Variants in RASGRP3 observed in about 807,000 individuals in gnomAD.
RASGRP3 encodes RAS guanyl releasing protein 3.
RASGRP3 carries 54 observed loss-of-function variants against 82.7 expected under a neutral mutation model. The ratio of observed to expected loss-of-function variants is 0.65; its 90% CI spans 0.52 to 0.82. The LOEUF is 0.82. Among genes scored for constraint, RASGRP3 ranks in the 40% least tolerant of loss-of-function variants. RASGRP3 has a pLI of 0.00. For missense variants in RASGRP3, 861 were observed against 828.9 expected (o/e 1.04, Z -0.48); for synonymous variants, 309 against 300.5 (o/e 1.03, Z -0.29).
chr2:33,440,152 G>C (rs1428968450), intron 1 of RASGRP3, among the ~76,000 whole-genome samples: 2 of 152,038 alleles, frequency 1.3e-5, no homozygotes, highest in African/African-American at 4.8e-5. Context: ...GGGAATGATG[G>C]AATAGTCAGA....
chr2:33,542,562 A>T (rs776272826), intron 12 of RASGRP3, among the ~76,000 whole-genome samples: 2 of 147,216 alleles, frequency 1.4e-5, no homozygotes, highest in African/African-American at 4.9e-5. Context: ...TGGTATTTGA[A>T]TTTGTAAATT....
intron 2 of RASGRP3, among the ~76,000 whole-genome samples, chr2:33,450,891 G>A (rs1161041086): frequency 8.7e-6 from 1 of 114,826 alleles, no homozygotes; most frequent in African/African-American, 3.4e-5. Context: ...AGGCTGGAGT[G>A]TAGTGGCATG....
At chr2:33,495,541 G>A (rs1669230525) in intron 1 of RASGRP3, among the ~76,000 whole-genome samples, 1 of 151,766 alleles carries the variant, frequency 6.6e-6, no homozygotes, top group Non-Finnish European at 1.5e-5. Flanking sequence ...GGGACCCCTG[G>A]TTTACAGGAC....
chr2:33,496,801 G>A (rs942976561), intron 1 of RASGRP3, among the ~76,000 whole-genome samples: 1 of 152,186 alleles, frequency 6.6e-6, no homozygotes, highest in Admixed American at 6.5e-5. Flanking sequence ...AGGTTGCAGT[G>A]AGCCAAGATT....
chr2:33,543,683 A>G, intron 13 of RASGRP3, 56 bp downstream of exon 13: 3 of 1,229,068 alleles, frequency 2.4e-6, no homozygotes, highest in Admixed American at 2.2e-5. Flanking sequence ...GAAAATTATT[A>G]TCAGAGGAGA....
At chr2:33,525,268 C>T (rs1672428478) in intron 9 of RASGRP3, among the ~76,000 whole-genome samples, 1 of 151,836 alleles carries the variant, frequency 6.6e-6, no homozygotes, top group Non-Finnish European at 1.5e-5. Context: ...CTGTGTTGGG[C>T]ACATCAGAAG....
intron 14 of RASGRP3, among the ~76,000 whole-genome samples, chr2:33,552,257 C>T (rs1675444354): frequency 6.6e-6 from 1 of 152,182 alleles, no homozygotes; most frequent in Non-Finnish European, 1.5e-5. Flanking sequence ...AAGTTTTGCC[C>T]TTGCTAACTC....
chr2:33,512,581 G>T (rs1175366455), intron 2 of RASGRP3, among the ~76,000 whole-genome samples: 3 of 152,154 alleles, frequency 2.0e-5, no homozygotes, highest in African/African-American at 7.2e-5. Flanking sequence ...TAGAAAACTG[G>T]CAGAAATTTT....
At chr2:33,526,711 A>T in intron 9 of RASGRP3, among the ~76,000 whole-genome samples, 1 of 152,212 alleles carries the variant, frequency 6.6e-6, no homozygotes, top group East Asian at 1.9e-4. Flanking sequence ...CTCACACCGC[A>T]TTGCAACTTT....
intron 2 of RASGRP3, among the ~76,000 whole-genome samples, chr2:33,471,146 A>T (rs928530095): frequency 4.6e-5 from 7 of 152,178 alleles, no homozygotes; most frequent in African/African-American, 1.7e-4. Context: ...ATTAATTAAA[A>T]AATTGATATT....
At position 33,527,232 on chromosome 2, in the gene RASGRP3, C is replaced by A. The variant is rs34636269; in HGVS notation, c.903C>A (p.Ile301=). 7,479 of 1,614,048 alleles carry A rather than the reference C, an allele frequency of 4.6e-3. 21 individuals are homozygous for A. Among genetic ancestry groups the A allele is most frequent in the Non-Finnish European group, 5.9e-3 (6,996 of 1,179,880 alleles). ...FADCDGFKIP[I]LGVHLKDLIA... ...ACTGCGATGGCTTCAAAATCCCCAT[C>A]CTTGGAGTACACTTGAAAGACTTGA... Residue 301 remains isoleucine, a synonymous_variant, in exon 10 of 18, where the codon ATC becomes ATA. Transcript: ENST00000403687.
At position 33,516,655 on chromosome 2, in the gene RASGRP3, A is replaced by C; in HGVS notation, c.173+11A>C. 6.8e-7 allele frequency: 1 copy of C among 1,472,596 alleles called. No homozygotes were observed. Among genetic ancestry groups the C allele is most frequent in the Non-Finnish European group, 9.4e-7 (1 of 1,067,450 alleles). The allele number at this position is 1,472,596 out of a possible 1,614,324, so 91.2% of individuals were successfully genotyped here. A position where few individuals can be genotyped will look rare whatever the true frequency, so the allele number is the denominator to read the frequency against. On this transcript the variant is annotated intron_variant, in intron 4 of 17. Coordinates refer to ENST00000403687, the MANE Select transcript of RASGRP3 (RefSeq NM_001139488.2). ...AAAACTTCTCTGCATATATCTTTTCAACTACTGTGTAATTTTTACAATCAT... is the reference window on the plus strand; with the variant it reads ...AAAACTTCTCTGCATATATCTTTTCCACTACTGTGTAATTTTTACAATCAT...
intron 1 of RASGRP3, among the ~76,000 whole-genome samples, chr2:33,510,559 C>T (rs1051345769): frequency 6.6e-6 from 1 of 152,162 alleles, no homozygotes; most frequent in East Asian, 1.9e-4. Flanking sequence ...TCTAAATGAA[C>T]ACCTCTCTCC....
chr2:33,551,760 A>G (rs572336011), intron 14 of RASGRP3, among the ~76,000 whole-genome samples: 15 of 152,268 alleles, frequency 9.9e-5, no homozygotes, highest in Admixed American at 2.6e-4. Context: ...TTGGGAGGCC[A>G]AGGCGGGTGG....
At chr2:33,440,645 A>G (rs1665172972) in intron 1 of RASGRP3, among the ~76,000 whole-genome samples, 1 of 152,164 alleles carries the variant, frequency 6.6e-6, no homozygotes, top group African/African-American at 2.4e-5. Flanking sequence ...AATGGAAATC[A>G]TTTATACCCA....
At chr2:33,557,334 A>G (rs917939762) in intron 15 of RASGRP3, among the ~76,000 whole-genome samples, 1 of 152,238 alleles carries the variant, frequency 6.6e-6, no homozygotes, top group African/African-American at 2.4e-5. Context: ...TTTACTGAGC[A>G]TATGCCCATC....
intron 14 of RASGRP3, among the ~76,000 whole-genome samples, chr2:33,553,620 C>A (rs1675587716): frequency 6.6e-6 from 1 of 152,116 alleles, no homozygotes; most frequent in African/African-American, 2.4e-5. Context: ...GCCACCACTG[C>A]CCTTTTCTGG....
intron 1 of RASGRP3, among the ~76,000 whole-genome samples, chr2:33,443,502 G>A (rs904700162): frequency 2.0e-5 from 3 of 152,072 alleles, no homozygotes; most frequent in African/African-American, 7.2e-5. Flanking sequence ...CTCTTCTCTG[G>A]TTAGCCTGAT....
chr2:33,455,489 C>G (rs1665990470), intron 2 of RASGRP3, among the ~76,000 whole-genome samples: 1 of 152,218 alleles, frequency 6.6e-6, no homozygotes, highest in Non-Finnish European at 1.5e-5. Flanking sequence ...TGGAGAGATG[C>G]TGCTTACAGG....
Sources: gnomAD v4.1 joint callset for allele counts (sites outside exome capture counted in the v4.1 genomes callset) on GRCh38, gnomAD v4.1.1 for gene constraint, MANE v1.5 for transcripts, NCBI Gene and HGNC (gene_info 2026-07-23, HGNC 2026-07-21) for gene names.